Variants in SFMBT1 observed in about 807,000 individuals in gnomAD.
SFMBT1 encodes the protein scm-like with four MBT domains protein 1.
SFMBT1 carries 32 observed loss-of-function variants against 108.7 expected under a neutral mutation model. That is an observed-to-expected ratio of 0.29 (90% CI 0.22 to 0.40). The LOEUF (loss-of-function observed/expected upper bound fraction) is 0.40, where lower values mean the gene tolerates loss of function less well. SFMBT1 is among the 10% of genes least tolerant of loss of function. The probability of loss-of-function intolerance (pLI) is 1.00; values close to 1 mark genes in which losing one functional copy is unlikely to be tolerated. For missense variants in SFMBT1, 816 were observed against 1,059.6 expected, an observed-to-expected ratio of 0.77 and a Z score of 3.19; for synonymous variants, 348 against 369.5, an observed-to-expected ratio of 0.94 and a Z score of 0.67.
rs71087045 is a variant in SFMBT1 at position 52,991,342 on chromosome 3, C to CTTTTTTTTTTTT, written c.-130-22096_-130-22085dup. On this transcript the variant is annotated intron_variant, in intron 1 of 20. Transcript: ENST00000394752. ...ACCCAAAATTCACATGCTGAAACTT[C>CTTTTTTTTTTTT]TTTTTTTTTTTTTTTTTTTGAGATG... 1.0e-3 allele frequency among the ~76,000 whole-genome samples: 94 copies of CTTTTTTTTTTTT among 91,176 alleles called. 5 individuals carry two copies. The highest frequency in any genetic ancestry group is 1.4e-3 in the East Asian group (4 of 2,868). 59.8% of individuals were successfully genotyped at this position (91,176 alleles called of 152,430 possible).
chr3:52,915,062 A>G (rs1271116499), intron 14 of SFMBT1, among the ~76,000 whole-genome samples: 1 of 152,198 alleles, frequency 6.6e-6, no homozygotes, highest in Non-Finnish European at 1.5e-5. Context: ...GAGTGGTTAG[A>G]TCAGCTTCAG....
At chr3:53,030,702 A>AAAAAAAC (rs1699656133) in intron 1 of SFMBT1, among the ~76,000 whole-genome samples, 1 of 149,212 alleles carries the variant, frequency 6.7e-6, no homozygotes, top group Non-Finnish European at 1.5e-5. Context: ...AAAAAAAAAA[A>AAAAAAAC]AAAATCTACT....
chr3:52,952,590 A>AT (rs1703631303), intron 3 of SFMBT1, among the ~76,000 whole-genome samples: 1 of 152,176 alleles, frequency 6.6e-6, no homozygotes. Context: ...AAAGTCCAAG[A>AT]TGAAGGCCCC....
intron 17 of SFMBT1, 130 bp downstream of exon 17, chr3:52,910,873 A>G: frequency 4.3e-6 from 3 of 698,034 alleles, no homozygotes; most frequent in Middle Eastern, 3.9e-4. Flanking sequence ...TGAAATATTT[A>G]TCATCTGGCC....
intron 1 of SFMBT1, among the ~76,000 whole-genome samples, chr3:53,025,601 G>A (rs538386459): frequency 6.6e-6 from 1 of 152,120 alleles, no homozygotes; most frequent in South Asian, 2.1e-4. Context: ...GGGTGACAGA[G>A]TGAACCCCGT....
chr3:52,933,980 A>G (rs1482568591), intron 5 of SFMBT1, among the ~76,000 whole-genome samples: 3 of 152,244 alleles, frequency 2.0e-5, no homozygotes, highest in African/African-American at 7.2e-5. Flanking sequence ...AAATGCATGT[A>G]TATTTTGAAT....
rs976430991 is a variant in SFMBT1 at position 53,001,611 on chromosome 3, A to G, written c.-130-32353T>C. Among the ~76,000 whole-genome samples, 4 of 149,412 alleles carry G rather than the reference A, an allele frequency of 2.7e-5. 1 individual carries two copies. The Admixed American group carries it at 2.7e-4, about 10-fold the overall frequency. Reference sequence around the variant, plus strand: ...ATAGCTCTAGCTAAGGAAAGAAACAAGTGTAGAAAAAGCCAGGCACAGTGG... The same window carrying G: ...ATAGCTCTAGCTAAGGAAAGAAACAGGTGTAGAAAAAGCCAGGCACAGTGG... On this transcript the variant is annotated intron_variant, in intron 1 of 20. Transcript: ENST00000394752.
At chr3:52,917,702 G>A (rs951974908) in intron 13 of SFMBT1, among the ~76,000 whole-genome samples, 2 of 152,210 alleles carry the variant, frequency 1.3e-5, no homozygotes, top group African/African-American at 2.4e-5. Flanking sequence ...TCTCACAGGA[G>A]TGTGAACCCC....
In SFMBT1 at chr3:52,980,934, G is replaced by A. The variant is rs543898970; in HGVS notation, c.-130-11676C>T. Among the ~76,000 whole-genome samples the A allele has an allele frequency of 6.0e-4, 92 of 152,236 alleles. 1 individual carries two copies. The South Asian group carries it at 0.014, about 23-fold the overall frequency. ...TCCCAGCACTTTGGGAGGCCGAGGC[G>A]GGTGGATCACCTGAGGTGGGGAGTT... On this transcript the variant is annotated intron_variant, in intron 1 of 20. Coordinates refer to ENST00000394752, the MANE Select transcript of SFMBT1 (RefSeq NM_016329.4).
intron 1 of SFMBT1, among the ~76,000 whole-genome samples, chr3:53,002,567 A>T (rs1698597340): frequency 6.7e-6 from 1 of 150,140 alleles, no homozygotes. Context: ...GTGCTCACTG[A>T]ACACCTGCCA....
intron 2 of SFMBT1, among the ~76,000 whole-genome samples, chr3:52,966,315 C>A (rs1704142153): frequency 1.6e-5 from 2 of 123,142 alleles, no homozygotes; most frequent in Non-Finnish European, 1.7e-5. Context: ...GAGCAAGACT[C>A]CCGTCTCAAA....
At chr3:52,983,555 GGGA>G (rs1330896535) in intron 1 of SFMBT1, among the ~76,000 whole-genome samples, 2 of 152,220 alleles carry the variant, frequency 1.3e-5, no homozygotes, top group Non-Finnish European at 2.9e-5. Flanking sequence ...AACTGAACAA[GGGA>G]GGAGGACAGG....
chr3:52,952,175 G>C (rs552704506), intron 3 of SFMBT1, among the ~76,000 whole-genome samples: 1 of 152,210 alleles, frequency 6.6e-6, no homozygotes, highest in South Asian at 2.1e-4. Flanking sequence ...TGGCTAACAC[G>C]GTGAAACCCC....
At chr3:52,988,773 G>A (rs958563340) in intron 1 of SFMBT1, among the ~76,000 whole-genome samples, 10 of 152,106 alleles carry the variant, frequency 6.6e-5, no homozygotes, top group Non-Finnish European at 1.0e-4. Context: ...AACCAGCCTA[G>A]GTTATGATAA....
chr3:53,006,412 C>T lies in SFMBT1; in HGVS notation c.-130-37154G>A, dbSNP rs1431757286. On this transcript the variant is annotated intron_variant, in intron 1 of 20. Transcript: ENST00000394752. ...TTCGGAGGCCAAGGTGGGCAGATCA[C>T]GAGGTCAGGAGCTCAAGACCAGCCT... 2.0e-5 allele frequency among the ~76,000 whole-genome samples: 3 copies of T among 152,052 alleles called. No homozygotes were observed. The South Asian group carries it at 6.2e-4, about 32-fold the overall frequency.
intron 1 of SFMBT1, among the ~76,000 whole-genome samples, chr3:53,039,167 G>A (rs974837368): frequency 2.0e-5 from 3 of 152,162 alleles, no homozygotes; most frequent in Non-Finnish European, 4.4e-5. Context: ...TGGTTCTCTA[G>A]GCTCTGCTGG....
chr3:52,930,453 G>A (rs1702821215), intron 7 of SFMBT1, 23 bp from the exon 8 acceptor site: 1 of 1,334,356 alleles, frequency 7.5e-7, no homozygotes, highest in Non-Finnish European at 1.1e-6. Flanking sequence ...CACCAAAAGG[G>A]GATGAAAACA....
At chr3:52,976,337 T>C (rs1704518489) in intron 1 of SFMBT1, among the ~76,000 whole-genome samples, 1 of 152,212 alleles carries the variant, frequency 6.6e-6, no homozygotes, top group Non-Finnish European at 1.5e-5. Flanking sequence ...AGATCAATTT[T>C]TATGAGAGTG....
rs886361888 is a variant in SFMBT1 at position 52,934,987 on chromosome 3, T to C, written c.365-86A>G. 6.5e-6 allele frequency: 7 copies of C among 1,075,004 alleles called. No homozygotes were observed. In the South Asian group the frequency reaches 1.0e-4, roughly 15 times the overall value. 66.6% of individuals were successfully genotyped at this position (1,075,004 alleles called of 1,614,324 possible). A position where few individuals can be genotyped will look rare whatever the true frequency, so the allele number is the denominator to read the frequency against. On this transcript the variant is annotated intron_variant, in intron 4 of 20. Coordinates refer to ENST00000394752, the MANE Select transcript of SFMBT1 (RefSeq NM_016329.4). ...GAAATCAGTGGAGATGGTTTAAAGGTATTTCACATTTTAAGATCTAAGAGT... is the reference window on the plus strand; with the variant it reads ...GAAATCAGTGGAGATGGTTTAAAGGCATTTCACATTTTAAGATCTAAGAGT...
Sources: gnomAD v4.1 joint callset for allele counts (sites outside exome capture counted in the v4.1 genomes callset) on GRCh38, gnomAD v4.1.1 for gene constraint, MANE v1.5 for transcripts, NCBI Gene and HGNC (gene_info 2026-07-23, HGNC 2026-07-21) for gene names.